KCNQ2: variants seen among roughly 807,000 people sequenced by gnomAD.
The protein encoded by KCNQ2 is potassium voltage-gated channel subfamily Q member 2, also known as potassium voltage-gated channel subfamily KQT member 2.
KCNQ2 carries 14 observed loss-of-function variants against 84.8 expected under a neutral mutation model. That is an observed-to-expected ratio of 0.17 (90% CI 0.11 to 0.26). KCNQ2 has a LOEUF of 0.26. Among genes scored for constraint, KCNQ2 ranks in the 10% least tolerant of loss-of-function variants. KCNQ2 has a pLI of 1.00. For synonymous variants in KCNQ2, 599 were observed against 554.1 expected (o/e 1.08, Z -1.14); for missense variants, 788 against 1,254.0 (o/e 0.63, Z 5.61).
chr20:63,411,866 C>G (rs1446121662), intron 15 of KCNQ2: 3 of 711,084 alleles, frequency 4.2e-6, no homozygotes, highest in Non-Finnish European at 7.8e-6. Flanking sequence ...GGCGGGGGAC[C>G]CACAATCATA....
Position 63,413,599 on chromosome 20 carries a change from G to T in KCNQ2, c.1632-18C>A, listed in dbSNP as rs368910668. ...GCATGACACTGCAGGGGGGTGGGTGGGGCTGTGAGCCCTGGGCCAGAGACC... is the reference window on the plus strand; with the variant it reads ...GCATGACACTGCAGGGGGGTGGGTGTGGCTGTGAGCCCTGGGCCAGAGACC... On this transcript the variant is annotated intron_variant, in intron 14 of 16. Coordinates refer to ENST00000359125, the MANE Select transcript of KCNQ2 (RefSeq NM_172107.4). 1.8e-4 allele frequency: 284 copies of T among 1,610,952 alleles called. No homozygotes were observed. The highest frequency in any genetic ancestry group is 1.0e-3 in the Middle Eastern group (6 of 5,984).
At position 63,406,945 on chromosome 20, in the gene KCNQ2, C is replaced by T; in HGVS notation, c.2318G>A (p.Gly773Asp). The T allele has an allele frequency of 6.3e-7, 1 of 1,584,918 alleles. No individual in the cohort carries two copies. Reference sequence around the variant, plus strand: ...CAGGTTCCCCTCGGGGGGCCTGCAGCCCGGGGTGTCCTCCTGCCGCAGGAA... The same window carrying T: ...CAGGTTCCCCTCGGGGGGCCTGCAGTCCGGGGTGTCCTCCTGCCGCAGGAA... ...MEFLRQEDTP[G>D]CRPPEGNLRD... The change falls in exon 17 of 17, where the codon GGC (glycine) becomes GAC (aspartate). Residue 773 changes from glycine (G) to aspartate (D), a missense_variant. Gly to Asp is a moderately conservative substitution (Grantham distance 94). Coordinates refer to ENST00000359125, the MANE Select transcript of KCNQ2 (RefSeq NM_172107.4).
chr20:63,442,603 C>A (rs1433950699), intron 4 of KCNQ2, 72 bp from the exon 5 acceptor site: 4 of 1,522,358 alleles, frequency 2.6e-6, no homozygotes, highest in Non-Finnish European at 9.1e-7. Context: ...ACCAACACCA[C>A]CACCATCACA....
chr20:63,408,568 T>C lies in KCNQ2; in HGVS notation c.1764-32A>G. The C allele has an allele frequency of 6.2e-7, 1 of 1,607,712 alleles. No homozygotes were observed. Among genetic ancestry groups the C allele is most frequent in the Non-Finnish European group, 8.5e-7 (1 of 1,178,358 alleles). ...GGAACAGAGACCCCAAAGCATGAGT[T>C]CGGGTGGGTGCAGCAGGGCCCCTGC... On this transcript the variant is annotated intron_variant, in intron 15 of 16. Coordinates refer to ENST00000359125, the MANE Select transcript of KCNQ2 (RefSeq NM_172107.4). The surrounding 1 kb of genome is among the most constrained non-coding windows in gnomAD (Gnocchi z 5.0).
chr20:63,423,939 G>T lies in KCNQ2; in HGVS notation c.1247+238C>A, dbSNP rs560957093. On this transcript the variant is annotated intron_variant, in intron 11 of 16. Transcript: ENST00000359125. ...CCCACCCCCGAGAAGCCGCCCAGCT[G>T]CCCGGATCCACAGTGCTGCAAAGTA... 15 of 543,366 alleles carry T rather than the reference G, an allele frequency of 2.8e-5. No homozygotes were observed. The East Asian group carries it at 4.5e-4, about 16-fold the overall frequency. The allele number at this position is 543,366 out of a possible 1,614,324, so 33.7% of individuals were successfully genotyped here.
At chr20:63,431,996 C>CCACAGGAAAGGCCCCACA in intron 8 of KCNQ2, among the ~76,000 whole-genome samples, 1 of 149,104 alleles carries the variant, frequency 6.7e-6, no homozygotes. Flanking sequence ...AAGGCCCCAC[C>CCACAGGAAAGGCCCCACA]CTCAGGGAAG....
At chr20:63,452,947 A>G (rs2081658133) in intron 1 of KCNQ2, among the ~76,000 whole-genome samples, 2 of 152,174 alleles carry the variant, frequency 1.3e-5, no homozygotes, top group South Asian at 4.1e-4. Context: ...CAGGAAGAAT[A>G]GTCCCTGCAG....
intron 1 of KCNQ2, chr20:63,453,758 G>A (rs1209633889): frequency 6.6e-6 from 1 of 152,442 alleles, no homozygotes; most frequent in Non-Finnish European, 1.5e-5. Context: ...GCCACAGGGG[G>A]AGAAGGGGAA....
In KCNQ2 at chr20:63,404,344, C is replaced by T. The variant is rs117718498; in HGVS notation, c.*2300G>A. 0.044 allele frequency: 6,406 copies of T among 145,388 alleles called. 212 individuals are homozygous for T. The highest frequency in any genetic ancestry group is 0.11 in the Admixed American group (1,570 of 14,782). 9.0% of individuals were successfully genotyped at this position (145,388 alleles called of 1,614,324 possible). ...GGGGAGGAAAGAACAGGTGGGGCCA[C>T]ACCTTGGGGGGGGAGGAAAGAGCAG... On this transcript the variant is annotated 3_prime_UTR_variant, in exon 17 of 17. Transcript: ENST00000359125.
intron 1 of KCNQ2, among the ~76,000 whole-genome samples, chr20:63,468,246 G>C (rs908778909): frequency 4.6e-5 from 7 of 152,210 alleles, no homozygotes; most frequent in African/African-American, 1.7e-4. Context: ...ACAGGAGGCT[G>C]TGGGAAGAAG....
intron 1 of KCNQ2, chr20:63,448,548 C>T (rs2145799856): frequency 6.6e-6 from 1 of 152,432 alleles, no homozygotes; most frequent in African/African-American, 2.4e-5. Context: ...AAACCCGAGC[C>T]CTTCCCCGGC....
intron 11 of KCNQ2, among the ~76,000 whole-genome samples, chr20:63,421,944 C>A (rs1211721239): frequency 6.6e-6 from 1 of 152,184 alleles, no homozygotes; most frequent in East Asian, 1.9e-4. Flanking sequence ...GGGAACCGAG[C>A]CCCCGCCAGC....
chr20:63,400,446 G>A lies in KCNQ2; in HGVS notation c.*6198C>T, dbSNP rs528952398. ...GAAAACTAGAGTTCATTCCCTGGGCGTCTATCCCTAGAAAATGGACGGTGC... is the reference window on the plus strand; with the variant it reads ...GAAAACTAGAGTTCATTCCCTGGGCATCTATCCCTAGAAAATGGACGGTGC... On this transcript the variant is annotated 3_prime_UTR_variant, in exon 17 of 17. Transcript: ENST00000359125. The surrounding 1 kb of genome is among the most constrained non-coding windows in gnomAD (Gnocchi z 8.7). 86 of 397,194 alleles carry A rather than the reference G, an allele frequency of 2.2e-4. No homozygotes were observed. The highest frequency in any genetic ancestry group is 1.9e-3 in the South Asian group (13 of 7,010). 24.6% of individuals were successfully genotyped at this position (397,194 alleles called of 1,614,324 possible).
chr20:63,465,208 G>C (rs1568976103), intron 1 of KCNQ2, among the ~76,000 whole-genome samples: 1 of 152,326 alleles, frequency 6.6e-6, no homozygotes, highest in East Asian at 1.9e-4. Context: ...CGAATTAAAA[G>C]CACGACCCAT....
intron 12 of KCNQ2, among the ~76,000 whole-genome samples, chr20:63,418,692 G>A (rs2080375439): frequency 6.6e-6 from 1 of 152,210 alleles, no homozygotes. Context: ...CCATGCCCCA[G>A]GCAGCCCACA....
At chr20:63,456,769 T>C (rs964917408) in intron 1 of KCNQ2, among the ~76,000 whole-genome samples, 1 of 152,194 alleles carries the variant, frequency 6.6e-6, no homozygotes. Context: ...GCCCCCACCA[T>C]GCACCCCTCT....
chr20:63,466,748 G>C (rs1237503706), intron 1 of KCNQ2: 4 of 152,332 alleles, frequency 2.6e-5, no homozygotes, highest in African/African-American at 4.8e-5. Flanking sequence ...CCCCCGGCCA[G>C]AGCCCCAGCC....
intron 7 of KCNQ2, among the ~76,000 whole-genome samples, chr20:63,435,302 C>T (rs569035136): frequency 3.3e-5 from 5 of 151,716 alleles, no homozygotes; most frequent in South Asian, 2.1e-4. Flanking sequence ...GTGGGAGGAT[C>T]GCTTGAACCT....
intron 7 of KCNQ2, among the ~76,000 whole-genome samples, chr20:63,437,781 GGTCCC>G (rs2081047807): frequency 1.3e-5 from 2 of 152,192 alleles, no homozygotes; most frequent in Admixed American, 1.3e-4. Flanking sequence ...AAGAATGGCT[GGTCCC>G]AAGGGGGTCC....
Sources: gnomAD v4.1 joint callset for allele counts (sites outside exome capture counted in the v4.1 genomes callset) on GRCh38, gnomAD v4.1.1 for gene constraint, Gnocchi (gnomAD v3.1) non-coding constraint, MANE v1.5 for transcripts, NCBI Gene and HGNC (gene_info 2026-07-23, HGNC 2026-07-21) for gene names.